MFHAS1: variants seen among roughly 807,000 people sequenced by gnomAD.
MFHAS1 encodes multifunctional ROCO family signaling regulator 1.
In MFHAS1, 50 loss-of-function variants were observed where a neutral mutation model predicts 70.4. The ratio of observed to expected loss-of-function variants is 0.71; its 90% CI spans 0.57 to 0.90. The LOEUF (loss-of-function observed/expected upper bound fraction) is 0.90. Among genes scored for constraint, MFHAS1 ranks in the 40% least tolerant of loss-of-function variants. The probability of loss-of-function intolerance (pLI) is 0.00; values close to 1 mark genes in which losing one functional copy is unlikely to be tolerated. For synonymous variants in MFHAS1, 952 were observed against 620.0 expected, an observed-to-expected ratio of 1.54 and a Z score of -7.96; for missense variants, 1,795 against 1,347.6, an observed-to-expected ratio of 1.33 and a Z score of -5.20.
chr8:8,859,409 A>G (rs1808577763), intron 1 of MFHAS1, among the ~76,000 whole-genome samples: 2 of 152,204 alleles, frequency 1.3e-5, no homozygotes, highest in Admixed American at 1.3e-4. Context: ...GCCTTCTCAT[A>G]CACTAAGATA....
At chr8:8,841,156 A>T (rs1807806472) in intron 1 of MFHAS1, among the ~76,000 whole-genome samples, 1 of 152,218 alleles carries the variant, frequency 6.6e-6, no homozygotes, top group Admixed American at 6.5e-5. Context: ...TGTGCTAAAA[A>T]TACCGATGGC....
At chr8:8,809,072 A>C (rs1395779546) in intron 1 of MFHAS1, among the ~76,000 whole-genome samples, 1 of 152,086 alleles carries the variant, frequency 6.6e-6, no homozygotes, top group Non-Finnish European at 1.5e-5. Context: ...CTTGTATGTG[A>C]GGGATCTAGG....
intron 1 of MFHAS1, among the ~76,000 whole-genome samples, chr8:8,813,202 T>C (rs1183723379): frequency 6.6e-6 from 1 of 152,258 alleles, no homozygotes; most frequent in South Asian, 2.1e-4. Context: ...TTTGCAGTGA[T>C]GCTGGTATAA....
intron 1 of MFHAS1, among the ~76,000 whole-genome samples, chr8:8,835,907 T>G (rs547641285): frequency 6.6e-5 from 10 of 152,262 alleles, no homozygotes; most frequent in Non-Finnish European, 1.2e-4. Context: ...ATTTACATAT[T>G]ATCTACGACT....
At chr8:8,831,581 T>C (rs941461713) in intron 1 of MFHAS1, among the ~76,000 whole-genome samples, 4 of 151,084 alleles carry the variant, frequency 2.6e-5, no homozygotes, top group African/African-American at 4.9e-5. Context: ...TAGAACAGAA[T>C]AGAGTTCAGA....
intron 1 of MFHAS1, among the ~76,000 whole-genome samples, chr8:8,867,829 T>G (rs1488479258): frequency 4.6e-5 from 7 of 152,152 alleles, no homozygotes; most frequent in Admixed American, 4.6e-4. Context: ...AGTGCTGGGA[T>G]TACAGGCGTG....
At chr8:8,857,583 C>T (rs1808491427) in intron 1 of MFHAS1, among the ~76,000 whole-genome samples, 1 of 151,908 alleles carries the variant, frequency 6.6e-6, no homozygotes, top group South Asian at 2.1e-4. Flanking sequence ...ATTGTGAAAC[C>T]CCGTCTCTAC....
chr8:8,893,085 C>A lies in MFHAS1; in HGVS notation c.-27G>T. On this transcript the variant is annotated 5_prime_UTR_variant, in exon 1 of 3. Coordinates refer to ENST00000276282, the MANE Select transcript of MFHAS1 (RefSeq NM_004225.3). ...GCGGGGCCCCGGGCCGACAGCCTCA[C>A]GCGGACGCGGGAGCCCGCAGCTACA... 2 of 1,432,846 alleles carry A rather than the reference C, an allele frequency of 1.4e-6. No homozygotes were observed. Among genetic ancestry groups the A allele is most frequent in the Non-Finnish European group, 1.8e-6 (2 of 1,098,574 alleles). The allele number at this position is 1,432,846 out of a possible 1,614,324, so 88.8% of individuals were successfully genotyped here.
intron 1 of MFHAS1, among the ~76,000 whole-genome samples, chr8:8,878,300 A>G (rs935013542): frequency 3.9e-5 from 6 of 152,180 alleles, no homozygotes; most frequent in Admixed American, 6.5e-5. Context: ...CTGATATCCT[A>G]GAGTTCTCTA....
chr8:8,794,189 CA>C (rs1360546725), intron 2 of MFHAS1, among the ~76,000 whole-genome samples: 1 of 149,674 alleles, frequency 6.7e-6, no homozygotes, highest in Non-Finnish European at 1.5e-5. Context: ...GACCCTTTGT[CA>C]AAAAAGAAAA....
At chr8:8,786,269 G>T (rs1305014067) in intron 2 of MFHAS1, among the ~76,000 whole-genome samples, 2 of 152,178 alleles carry the variant, frequency 1.3e-5, no homozygotes, top group Non-Finnish European at 2.9e-5. Flanking sequence ...AAACATTTCT[G>T]TTGGTGTGTT....
In MFHAS1 at chr8:8,785,411, TTAAAGAA is replaced by T. The variant is rs1805505649; in HGVS notation, c.*604_*610del. On this transcript the variant is annotated 3_prime_UTR_variant, in exon 3 of 3. Transcript: ENST00000276282. ...GATTTTTTTTTTAATGTGAAGAGGA[TTAAAGAA>T]TAAAGAAAAAACAAAAAAGTCTTAT... The T allele has an allele frequency of 6.6e-6, 1 of 151,544 alleles. No homozygotes were observed. The highest frequency in any genetic ancestry group is 2.4e-5 in the African/African-American group (1 of 41,084). 9.4% of individuals were successfully genotyped at this position (151,544 alleles called of 1,614,324 possible).
chr8:8,843,874 C>T (rs1200507378), intron 1 of MFHAS1, among the ~76,000 whole-genome samples: 1 of 152,116 alleles, frequency 6.6e-6, no homozygotes, highest in African/African-American at 2.4e-5. Flanking sequence ...AATTAATTAC[C>T]TCTGTTTTAT....
At position 8,890,460 on chromosome 8, in the gene MFHAS1, C is replaced by T; in HGVS notation, c.2599G>A (p.Gly867Arg). The T allele has an allele frequency of 1.2e-6, 2 of 1,613,926 alleles. No individual in the cohort carries two copies. Among genetic ancestry groups the T allele is most frequent in the Non-Finnish European group, 1.7e-6 (2 of 1,180,042 alleles). Residue 867 changes from glycine (G) to arginine (R), a missense_variant, in exon 1 of 3, where the codon GGG becomes AGG. Transcript: ENST00000276282. Reference protein sequence around the residue: ...EVPHAEAWINGTNLAGQSFVA... With the variant: ...EVPHAEAWINRTNLAGQSFVA... ...AAAGACTGCCCAGCTAGGTTGGTCCCATTAATCCAGGCTTCTGCATGGGGC... is the reference window on the plus strand; with the variant it reads ...AAAGACTGCCCAGCTAGGTTGGTCCTATTAATCCAGGCTTCTGCATGGGGC...
chr8:8,859,036 G>A (rs1427190433), intron 1 of MFHAS1, among the ~76,000 whole-genome samples: 1 of 152,164 alleles, frequency 6.6e-6, no homozygotes, highest in Non-Finnish European at 1.5e-5. Context: ...CAGTCAATAA[G>A]TTTGAAAAAT....
At chr8:8,826,605 C>A (rs1019480543) in intron 1 of MFHAS1, among the ~76,000 whole-genome samples, 2 of 152,082 alleles carry the variant, frequency 1.3e-5, no homozygotes, top group Non-Finnish European at 2.9e-5. Flanking sequence ...TGGTGGCGGG[C>A]GCCTGTAGTC....
At chr8:8,800,430 A>T (rs1397765822) in intron 1 of MFHAS1, among the ~76,000 whole-genome samples, 1 of 152,228 alleles carries the variant, frequency 6.6e-6, no homozygotes, top group Non-Finnish European at 1.5e-5. Flanking sequence ...TGTTCGAGCT[A>T]GACTGGAACC....
chr8:8,809,009 T>C (rs186046749), intron 1 of MFHAS1, among the ~76,000 whole-genome samples: 55 of 152,256 alleles, frequency 3.6e-4, no homozygotes, highest in African/African-American at 1.3e-3. Context: ...CCATCTCCTG[T>C]CAGATCAGGG....
intron 1 of MFHAS1, among the ~76,000 whole-genome samples, chr8:8,836,535 C>T (rs146746250): frequency 3.9e-5 from 6 of 152,294 alleles, no homozygotes; most frequent in African/African-American, 1.4e-4. Flanking sequence ...TCCACCACCA[C>T]ACCCAGCCAA....
Sources: allele counts gnomAD v4.1 joint callset (sites outside exome capture counted in the v4.1 genomes callset), GRCh38; gene constraint gnomAD v4.1.1; transcripts MANE v1.5; gene names NCBI Gene and HGNC (gene_info 2026-07-23, HGNC 2026-07-21).